Variants in STK4 observed in about 807,000 individuals in gnomAD.
STK4 encodes serine/threonine kinase 4.
STK4 carries 30 observed loss-of-function variants against 64.9 expected under a neutral mutation model. The ratio of observed to expected loss-of-function variants is 0.46; its 90% CI spans 0.35 to 0.63. STK4 has a LOEUF of 0.63. Among genes scored for constraint, STK4 ranks in the 20% least tolerant of loss-of-function variants. The pLI, the probability that STK4 is intolerant of heterozygous loss-of-function variation, is 0.01. For missense variants in STK4, 466 were observed against 598.5 expected, an observed-to-expected ratio of 0.78 and a Z score of 2.31; for synonymous variants, 177 against 199.0, an observed-to-expected ratio of 0.89 and a Z score of 0.93.
At chr20:45,057,938 G>C (rs1345291577) in intron 10 of STK4, among the ~76,000 whole-genome samples, 2 of 151,834 alleles carry the variant, frequency 1.3e-5, no homozygotes, top group African/African-American at 4.8e-5. Flanking sequence ...AAATATTTAG[G>C]CTATATACAT....
chr20:45,064,109 A>AG (rs369628862), intron 10 of STK4, among the ~76,000 whole-genome samples: 14,500 of 150,584 alleles, frequency 0.096, 793 homozygotes, highest in Admixed American at 0.18. Flanking sequence ...CGCCCGGCCA[A>AG]GGGGGGGGGT....
At chr20:44,982,084 C>A (rs2145653664) in intron 4 of STK4, 141 bp downstream of exon 4, 4 of 321,820 alleles carry the variant, frequency 1.2e-5, no homozygotes, top group Non-Finnish European at 2.3e-5. Flanking sequence ...CATCTTTATT[C>A]TTTTATGTCT....
At chr20:44,997,439 C>T (rs758041397) in intron 7 of STK4, 133 bp downstream of exon 7, 80 of 1,149,806 alleles carry the variant, frequency 7.0e-5, no homozygotes, top group Middle Eastern at 2.8e-4. Flanking sequence ...CGCCTGTAAT[C>T]GTAGCACTTT....
At chr20:45,045,909 T>C (rs997271691) in intron 10 of STK4, among the ~76,000 whole-genome samples, 3 of 151,942 alleles carry the variant, frequency 2.0e-5, no homozygotes, top group African/African-American at 7.2e-5. Context: ...CGGGTTCAAA[T>C]GATTCTCCTG....
At chr20:45,000,036 G>A (rs563013403) in intron 7 of STK4, among the ~76,000 whole-genome samples, 133 of 152,306 alleles carry the variant, frequency 8.7e-4, no homozygotes, top group African/African-American at 2.9e-3. Context: ...TTGCAAAATT[G>A]CTAATGTCCC....
chr20:45,048,201 A>G (rs973955596), intron 10 of STK4, among the ~76,000 whole-genome samples: 6 of 152,184 alleles, frequency 3.9e-5, no homozygotes, highest in Non-Finnish European at 7.3e-5. Context: ...TTCATTATTT[A>G]TGGGACCAGT....
At chr20:44,973,977 T>C (rs1453284302) in intron 2 of STK4, 2 of 152,210 alleles carry the variant, frequency 1.3e-5, no homozygotes, top group Admixed American at 6.5e-5. Context: ...ATTGGGTTTG[T>C]GGAATGTCAA....
chr20:44,997,280 A>AG lies in STK4; in HGVS notation c.808dup (p.Ala270GlyfsTer26). 6.2e-7 allele frequency: 1 copy of AG among 1,609,766 alleles called. No homozygotes were observed. The highest frequency in any genetic ancestry group is 8.5e-7 in the Non-Finnish European group (1 of 1,178,444). On this transcript the variant is annotated frameshift_variant, in exon 7 of 11. Transcript: ENST00000372806. LOFTEE classifies it high-confidence loss of function. ...GTGTCTTGTAAAGAGCCCTGAGCAG[A>AG]GGGCCACAGCCACTCAGCTCCTGCA...
intron 10 of STK4, among the ~76,000 whole-genome samples, chr20:45,062,841 C>G (rs1224991397): frequency 1.1e-4 from 14 of 133,278 alleles, no homozygotes; most frequent in African/African-American, 3.8e-4. Context: ...CCACGCCCGG[C>G]TATTTTTTTT....
intron 10 of STK4, among the ~76,000 whole-genome samples, chr20:45,039,255 G>A (rs1300001531): frequency 2.6e-5 from 4 of 152,040 alleles, no homozygotes; most frequent in African/African-American, 9.7e-5. Flanking sequence ...TGGGCATTTG[G>A]AAGATGTTGG....
chr20:44,999,573 A>G (rs1159734404), intron 7 of STK4, among the ~76,000 whole-genome samples: 9 of 152,254 alleles, frequency 5.9e-5, no homozygotes. Flanking sequence ...CACGTGCTAC[A>G]AATACAAACA....
At position 44,967,227 on chromosome 20, in the gene STK4, T is replaced by A. The variant is rs4810446; in HGVS notation, c.35+624T>A. On this transcript the variant is annotated intron_variant, in intron 1 of 10. Transcript: ENST00000372806. ...TTACTGATGTTCAGTGTCTTCCTAATGGTCTTCACATCCTCCTCAGCTCTT... is the reference window on the plus strand; with the variant it reads ...TTACTGATGTTCAGTGTCTTCCTAAAGGTCTTCACATCCTCCTCAGCTCTT... 79,830 of 985,110 alleles carry A rather than the reference T, an allele frequency of 0.081. 3,518 individuals are homozygous for A. The highest frequency in any genetic ancestry group is 0.19 in the East Asian group (1,677 of 8,798). The allele number at this position is 985,110 out of a possible 1,614,324, so 61.0% of individuals were successfully genotyped here.
At chr20:44,969,459 A>G (rs1568674188) in intron 1 of STK4, among the ~76,000 whole-genome samples, 1 of 152,220 alleles carries the variant, frequency 6.6e-6, no homozygotes, top group East Asian at 1.9e-4. Context: ...TGTGTTTCCA[A>G]TAACCCCAGT....
intron 7 of STK4, among the ~76,000 whole-genome samples, chr20:44,998,957 C>G (rs1189221537): frequency 6.6e-6 from 1 of 151,618 alleles, no homozygotes; most frequent in African/African-American, 2.4e-5. Context: ...CCTGTAATCC[C>G]AGCAGGAGGC....
intron 3 of STK4, 140 bp from the exon 4 acceptor site, chr20:44,981,689 T>G (rs2067442766): frequency 1.9e-6 from 1 of 526,976 alleles, no homozygotes; most frequent in African/African-American, 1.9e-5. Flanking sequence ...TGCATTCTTA[T>G]CAGGAGGTTG....
chr20:45,072,380 T>C (rs964085327), intron 10 of STK4, among the ~76,000 whole-genome samples: 2 of 152,244 alleles, frequency 1.3e-5, no homozygotes, highest in Non-Finnish European at 2.9e-5. Flanking sequence ...TCCTAGTGGC[T>C]AGATGAAAAG....
In STK4 at chr20:45,075,107, G is replaced by A. The variant is rs1980408588; in HGVS notation, c.1395G>A (p.Lys465=). The A allele has an allele frequency of 3.1e-6, 5 of 1,614,224 alleles. No homozygotes were observed. The highest frequency in any genetic ancestry group is 4.5e-5 in the East Asian group (2 of 44,890). The change falls in exon 11 of 11, where the codon AAG becomes AAA. Residue 465 remains lysine (K), a synonymous_variant. Coordinates refer to ENST00000372806, the MANE Select transcript of STK4 (RefSeq NM_006282.5). ...MEQEIEEIRQ[K]YQSKRQPILD... is the part of the protein sequence containing the mutation. Reference sequence around the variant, plus strand: ...AGGAGATTGAAGAGATCCGGCAGAAGTACCAGTCCAAGCGGCAGCCCATCC... The same window carrying A: ...AGGAGATTGAAGAGATCCGGCAGAAATACCAGTCCAAGCGGCAGCCCATCC...
intron 9 of STK4, among the ~76,000 whole-genome samples, chr20:45,005,647 CAAAAAA>C (rs1214893882): frequency 1.5e-5 from 1 of 65,704 alleles, no homozygotes; most frequent in Non-Finnish European, 3.1e-5. Context: ...GACTCTGTCT[CAAAAAA>C]AAAAAAAAAA....
rs191351988 is a variant in STK4, at chr20:45,063,265, C to T, written c.1306-11753C>T. Among the ~76,000 whole-genome samples, 635 of 151,830 alleles carry T rather than the reference C, an allele frequency of 4.2e-3. 5 individuals are homozygous for T. The highest frequency in any genetic ancestry group is 0.015 in the African/African-American group (607 of 41,388). ...TCAAGTGATCCGCCCACCTCAGCCT[C>T]CCAAAGTGTGATTACAGGTGTGAGC... On this transcript the variant is annotated intron_variant, in intron 10 of 10. Transcript: ENST00000372806.
Sources: allele counts gnomAD v4.1 joint callset (sites outside exome capture counted in the v4.1 genomes callset), GRCh38; gene constraint gnomAD v4.1.1; transcripts MANE v1.5; gene names NCBI Gene and HGNC (gene_info 2026-07-23, HGNC 2026-07-21).